PIEZO2: variants seen among roughly 807,000 people sequenced by gnomAD.
PIEZO2 encodes piezo type mechanosensitive ion channel component 2.
In PIEZO2, 172 loss-of-function variants were observed where a neutral mutation model predicts 337.3. The observed-to-expected ratio is 0.51, with a 90% CI of 0.45 to 0.58. PIEZO2 has a LOEUF of 0.58. PIEZO2 is among the 20% of genes least tolerant of loss of function. PIEZO2 has a pLI of 0.00. For missense variants in PIEZO2, 3,028 were observed against 3,391.3 expected (o/e 0.89, Z 2.66); for synonymous variants, 1,251 against 1,228.5 (o/e 1.02, Z -0.38).
At chr18:11,045,101 C>T (rs1211144743) in intron 2 of PIEZO2, among the ~76,000 whole-genome samples, 1 of 151,848 alleles carries the variant, frequency 6.6e-6, no homozygotes, top group Non-Finnish European at 1.5e-5. Context: ...TGAGACCATC[C>T]TGGCTACCAC....
chr18:10,686,478 A>G (rs555907495), intron 49 of PIEZO2, among the ~76,000 whole-genome samples: 1 of 152,366 alleles, frequency 6.6e-6, no homozygotes, highest in South Asian at 2.1e-4. Flanking sequence ...AGGACAGCAT[A>G]GGGAGGCACT....
intron 18 of PIEZO2, among the ~76,000 whole-genome samples, chr18:10,779,833 A>G (rs1212779636): frequency 6.6e-6 from 1 of 152,176 alleles, no homozygotes; most frequent in Non-Finnish European, 1.5e-5. Flanking sequence ...AGCAAGGCAG[A>G]TAAGACAAGC....
chr18:11,141,303 A>G (rs1431604330), intron 1 of PIEZO2, among the ~76,000 whole-genome samples: 1 of 152,204 alleles, frequency 6.6e-6, no homozygotes, highest in Admixed American at 6.5e-5. Flanking sequence ...GAATGGCAAC[A>G]GTGGATTGAC....
intron 2 of PIEZO2, among the ~76,000 whole-genome samples, chr18:10,983,293 C>A (rs2034740093): frequency 6.6e-6 from 1 of 152,036 alleles, no homozygotes; most frequent in African/African-American, 2.4e-5. Flanking sequence ...CAGAATCTGG[C>A]TGAGTTTCCA....
chr18:10,787,009 C>A (rs187329498), intron 16 of PIEZO2, 27 bp downstream of exon 16: 1 of 1,515,376 alleles, frequency 6.6e-7, no homozygotes, highest in Non-Finnish European at 8.8e-7. Context: ...TCATCTTGTT[C>A]ATCATTTTCA....
chr18:11,056,813 G>A (rs1276769524), intron 2 of PIEZO2, among the ~76,000 whole-genome samples: 1 of 152,094 alleles, frequency 6.6e-6, no homozygotes, highest in Non-Finnish European at 1.5e-5. Context: ...GGTGTCCATG[G>A]TGCTCCTACC....
At chr18:10,736,327 C>A (rs137982844) in intron 34 of PIEZO2, among the ~76,000 whole-genome samples, 17 of 152,216 alleles carry the variant, frequency 1.1e-4, no homozygotes, top group African/African-American at 3.4e-4. Context: ...GTTCACCCAA[C>A]GAAGCTTTAT....
At chr18:10,694,208 T>C (rs1415528396) in intron 47 of PIEZO2, among the ~76,000 whole-genome samples, 2 of 151,776 alleles carry the variant, frequency 1.3e-5, no homozygotes, top group Admixed American at 6.6e-5. Context: ...ATAATTTTTA[T>C]AATTATTATA....
At chr18:10,679,393 T>A (rs954215258) in intron 52 of PIEZO2, among the ~76,000 whole-genome samples, 1 of 152,224 alleles carries the variant, frequency 6.6e-6, no homozygotes, top group South Asian at 2.1e-4. Flanking sequence ...TAAAAACAAC[T>A]TATTATCTAG....
intron 2 of PIEZO2, among the ~76,000 whole-genome samples, chr18:11,051,805 C>G (rs1042630471): frequency 3.3e-5 from 5 of 152,192 alleles, no homozygotes; most frequent in Non-Finnish European, 7.3e-5. Context: ...GGGCTCTGGA[C>G]TTTGGACAAT....
intron 36 of PIEZO2, chr18:10,725,463 C>T (rs2036496069): frequency 1.3e-6 from 2 of 1,566,950 alleles, no homozygotes; most frequent in Non-Finnish European, 1.7e-6. Context: ...TGAAATAGGT[C>T]AGGGTGTGGG....
chr18:11,052,021 T>C (rs6505610), intron 2 of PIEZO2, among the ~76,000 whole-genome samples: 16,289 of 152,258 alleles, frequency 0.11, 936 homozygotes, highest in South Asian at 0.23. Flanking sequence ...GAGCTTTAAT[T>C]TCAGTGCCTC....
intron 49 of PIEZO2, among the ~76,000 whole-genome samples, chr18:10,688,961 A>C (rs1429584893): frequency 6.6e-6 from 1 of 152,176 alleles, no homozygotes; most frequent in African/African-American, 2.4e-5. Context: ...AGCACAGTAC[A>C]ACAGGCCCCA....
In PIEZO2 at chr18:11,042,379, T is replaced by G. The variant is rs533716510; in HGVS notation, c.160+23748A>C. Among the ~76,000 whole-genome samples, 49 of 152,208 alleles carry G rather than the reference T, an allele frequency of 3.2e-4. 1 individual carries two copies. The highest frequency in any genetic ancestry group is 1.0e-4 in the Non-Finnish European group (7 of 68,028). ...GCAGGCTGGGGATGGCCATGTGCACTTCATACACACAGTCCTCTCTGACCC... is the reference window on the plus strand; with the variant it reads ...GCAGGCTGGGGATGGCCATGTGCACGTCATACACACAGTCCTCTCTGACCC... On this transcript the variant is annotated intron_variant, in intron 2 of 55. Transcript: ENST00000674853.
rs187450269 is a variant in PIEZO2, at chr18:11,146,844, G to A, written c.64+1681C>T. On this transcript the variant is annotated intron_variant, in intron 1 of 55. Transcript: ENST00000674853. This position sits in a 1 kb window ranked among gnomAD's most constrained non-coding sequence, Gnocchi z 6.1. ...AGCGGGATGGGGGATGGGGAAGAGG[G>A]TGTCCATCCTCCAGGAACAGTGGCG... Among the ~76,000 whole-genome samples, 262 of 152,302 alleles carry A rather than the reference G, an allele frequency of 1.7e-3. 1 individual carries two copies. The Middle Eastern group carries it at 0.02, about 12-fold the overall frequency.
Position 11,033,023 on chromosome 18 carries a change from G to T in PIEZO2, c.160+33104C>A, listed in dbSNP as rs1004793254. Among the ~76,000 whole-genome samples the T allele has an allele frequency of 1.3e-5, 2 of 152,184 alleles. No homozygotes were observed. The highest frequency in any genetic ancestry group is 2.9e-5 in the Non-Finnish European group (2 of 68,032). ...CTCTCTTCCAGGGCAAGCGTACAGA[G>T]ACAGAGTTCCAGGGTCTGGTGGCAC... On this transcript the variant is annotated intron_variant, in intron 2 of 55. Transcript: ENST00000674853. The surrounding 1 kb of genome is among the most constrained non-coding windows in gnomAD (Gnocchi z 4.2).
intron 2 of PIEZO2, among the ~76,000 whole-genome samples, chr18:10,998,807 A>T (rs73396578): frequency 7.2e-4 from 109 of 151,334 alleles, no homozygotes; most frequent in African/African-American, 2.5e-3. Flanking sequence ...AACAAATTTT[A>T]GCATGTTTTA....
chr18:10,689,821 C>A lies in PIEZO2; in HGVS notation c.7350-19G>T. On this transcript the variant is annotated intron_variant, in intron 48 of 55. Coordinates refer to ENST00000674853, the MANE Select transcript of PIEZO2 (RefSeq NM_001378183.1). The stretch of plus-strand genomic sequence containing the variant: ...GCGAAACCTGGCAGGAAACACATCT[C>A]GTCAGAGAGACATTCGTGGGTGGCC... 1 of 1,589,718 alleles carries A rather than the reference C, an allele frequency of 6.3e-7. No individual in the cohort carries two copies.
chr18:10,808,551 G>T (rs951462941), intron 7 of PIEZO2, among the ~76,000 whole-genome samples: 1 of 152,156 alleles, frequency 6.6e-6, no homozygotes, highest in Non-Finnish European at 1.5e-5. Flanking sequence ...GATGAACACA[G>T]ATTTTAAAGT....
Sources: allele counts gnomAD v4.1 joint callset (sites outside exome capture counted in the v4.1 genomes callset), GRCh38; gene constraint gnomAD v4.1.1; non-coding constraint Gnocchi (gnomAD v3.1); transcripts MANE v1.5; gene names NCBI Gene and HGNC (gene_info 2026-07-23, HGNC 2026-07-21).